PCDHA13: variants seen among roughly 807,000 people sequenced by gnomAD.
The protein encoded by PCDHA13 is protocadherin alpha 13.
PCDHA13 carries 54 observed loss-of-function variants against 64.8 expected under a neutral mutation model. The observed-to-expected ratio is 0.83, with a 90% CI of 0.67 to 1.04. The LOEUF is 1.04. Ranked by LOEUF, PCDHA13 falls within the 50% of genes least tolerant of loss-of-function variation. The pLI is 0.00. For synonymous variants in PCDHA13, 587 were observed against 564.4 expected, an observed-to-expected ratio of 1.04 and a Z score of -0.57; for missense variants, 1,248 against 1,254.3, an observed-to-expected ratio of 0.99 and a Z score of 0.08.
At chr5:140,962,817 G>A (rs555403742) in intron 1 of PCDHA13, among the ~76,000 whole-genome samples, 2 of 152,202 alleles carry the variant, frequency 1.3e-5, no homozygotes, top group South Asian at 4.1e-4. Flanking sequence ...CATCAGAGAT[G>A]ACCATTTGTC....
intron 1 of PCDHA13, among the ~76,000 whole-genome samples, chr5:140,961,617 C>T (rs781986571): frequency 2.0e-5 from 3 of 152,086 alleles, no homozygotes; most frequent in Non-Finnish European, 4.4e-5. Context: ...AACTAAAGTG[C>T]CCATATGAAA....
At chr5:140,908,668 A>C (rs2074091776) in intron 1 of PCDHA13, among the ~76,000 whole-genome samples, 1 of 152,194 alleles carries the variant, frequency 6.6e-6, no homozygotes, top group Non-Finnish European at 1.5e-5. Flanking sequence ...AAAGGCTCCA[A>C]ATAGCATCCC....
At chr5:141,002,184 T>A (rs1554258557) in intron 3 of PCDHA13, among the ~76,000 whole-genome samples, 1 of 152,218 alleles carries the variant, frequency 6.6e-6, no homozygotes, top group East Asian at 1.9e-4. Flanking sequence ...CAGAGTGCTG[T>A]CTGGCAAGAT....
chr5:140,943,605 CTT>C (rs1232110768), intron 1 of PCDHA13, among the ~76,000 whole-genome samples: 5 of 152,064 alleles, frequency 3.3e-5, no homozygotes, highest in African/African-American at 1.2e-4. Context: ...TAAATATAGA[CTT>C]TGATTCATCT....
intron 1 of PCDHA13, among the ~76,000 whole-genome samples, chr5:140,953,778 A>T (rs782648195): frequency 2.0e-5 from 3 of 151,986 alleles, no homozygotes; most frequent in Non-Finnish European, 2.9e-5. Context: ...ATATTTATTT[A>T]TTTTTTTCTT....
chr5:140,990,189 A>C (rs2097379694), intron 3 of PCDHA13, among the ~76,000 whole-genome samples: 1 of 152,218 alleles, frequency 6.6e-6, no homozygotes, highest in Non-Finnish European at 1.5e-5. Flanking sequence ...TAAGAACCAA[A>C]TGTGGACCCG....
intron 1 of PCDHA13, among the ~76,000 whole-genome samples, chr5:140,886,029 T>C (rs1464446627): frequency 1.3e-5 from 2 of 152,180 alleles, no homozygotes; most frequent in Non-Finnish European, 2.9e-5. Context: ...TATTCTTCAC[T>C]AAGTTTTCCC....
At chr5:140,925,131 T>A (rs986113292) in intron 1 of PCDHA13, among the ~76,000 whole-genome samples, 5 of 150,904 alleles carry the variant, frequency 3.3e-5, no homozygotes, top group East Asian at 1.9e-4. Context: ...GGAAAAAAAA[T>A]TTCAAACATA....
At chr5:140,919,355 A>C (rs2079096245) in intron 1 of PCDHA13, among the ~76,000 whole-genome samples, 1 of 152,174 alleles carries the variant, frequency 6.6e-6, no homozygotes, top group South Asian at 2.1e-4. Flanking sequence ...TTGAATCTAA[A>C]AGTGTCTCCT....
intron 1 of PCDHA13, chr5:140,929,684 A>C: frequency 3.4e-6 from 1 of 294,182 alleles, no homozygotes; most frequent in Non-Finnish European, 6.5e-6. Flanking sequence ...AATATGTAAG[A>C]GTCTGCTTTA....
At chr5:140,897,874 T>C (rs541496059) in intron 1 of PCDHA13, among the ~76,000 whole-genome samples, 2,161 of 152,206 alleles carry the variant, frequency 0.014, 44 homozygotes, top group African/African-American at 0.049. Context: ...TTTTAATGAT[T>C]GCCATTCTAA....
intron 1 of PCDHA13, among the ~76,000 whole-genome samples, chr5:140,898,839 A>C (rs2066999324): frequency 6.6e-6 from 1 of 152,280 alleles, no homozygotes; most frequent in East Asian, 1.9e-4. Flanking sequence ...ATGTTCTTCC[A>C]TTTCTTTGTA....
intron 1 of PCDHA13, among the ~76,000 whole-genome samples, chr5:140,938,203 C>T (rs1181415730): frequency 6.6e-6 from 1 of 152,146 alleles, no homozygotes; most frequent in Non-Finnish European, 1.5e-5. Flanking sequence ...ACGCCAGCCT[C>T]CCAAAGTGCT....
chr5:140,947,585 G>C (rs773594834), intron 1 of PCDHA13, among the ~76,000 whole-genome samples: 5 of 151,544 alleles, frequency 3.3e-5, no homozygotes, highest in Non-Finnish European at 3.0e-5. Context: ...TTAACATTTA[G>C]ATCAATTTAG....
intron 2 of PCDHA13, 93 bp downstream of exon 2, chr5:140,979,100 A>C (rs1325676942): frequency 6.5e-7 from 1 of 1,545,710 alleles, no homozygotes; most frequent in African/African-American, 1.4e-5. Context: ...CAGCTGTCAA[A>C]ACTAAAAAGC....
In PCDHA13 at chr5:140,983,053, C is replaced by T. The variant is rs571565176; in HGVS notation, c.2542+490C>T. 3.3e-5 allele frequency among the ~76,000 whole-genome samples: 5 copies of T among 151,988 alleles called. No homozygotes were observed. In the East Asian group the frequency reaches 5.8e-4, roughly 18 times the overall value. On this transcript the variant is annotated intron_variant, in intron 3 of 3. Transcript: ENST00000289272. ...GTTTCTCATGGAAGTGGAAAATTAT[C>T]GGAACCAAGGCATTGTTTTGAGTTC...
chr5:140,966,698 G>C, intron 1 of PCDHA13: 2 of 1,363,568 alleles, frequency 1.5e-6, no homozygotes, highest in Non-Finnish European at 1.9e-6. Flanking sequence ...CGGGGCCCGG[G>C]CGTGGGGCAC....
At chr5:140,960,400 G>T (rs566510688) in intron 1 of PCDHA13, among the ~76,000 whole-genome samples, 4 of 152,114 alleles carry the variant, frequency 2.6e-5, no homozygotes, top group African/African-American at 9.6e-5. Context: ...ATGCAAGGGG[G>T]GGTGCCCAAA....
intron 1 of PCDHA13, among the ~76,000 whole-genome samples, chr5:140,915,626 G>GTCTCTCTCTCTCTCTC (rs57920489): frequency 1.4e-5 from 2 of 146,436 alleles, no homozygotes; most frequent in African/African-American, 2.5e-5. Context: ...GTCTCTTTCT[G>GTCTCTCTCTCTCTCTC]TCTCTCTCTC....
Sources: allele counts gnomAD v4.1 joint callset (sites outside exome capture counted in the v4.1 genomes callset), GRCh38; gene constraint gnomAD v4.1.1; transcripts MANE v1.5; gene names NCBI Gene and HGNC (gene_info 2026-07-23, HGNC 2026-07-21).